IGF1R: variants seen among roughly 807,000 people sequenced by gnomAD.
The protein encoded by IGF1R is insulin-like growth factor 1 receptor.
A neutral mutation model predicts 144.6 loss-of-function variants in IGF1R; 44 were observed. The observed-to-expected ratio is 0.30, with a 90% CI of 0.24 to 0.39. The LOEUF (loss-of-function observed/expected upper bound fraction) is 0.39. Ranked by LOEUF, IGF1R falls within the 10% of genes least tolerant of loss-of-function variation. The pLI is 1.00. For synonymous variants in IGF1R, 795 were observed against 722.8 expected (o/e 1.10, Z -1.60); for missense variants, 1,355 against 1,833.7 (o/e 0.74, Z 4.77).
rs143289145 is a variant in IGF1R at position 98,790,477 on chromosome 15, C to T, written c.640+82370C>T. Among the ~76,000 whole-genome samples, 69 of 152,274 alleles carry T rather than the reference C, an allele frequency of 4.5e-4. 1 individual carries two copies. In the East Asian group the frequency reaches 0.012, roughly 26 times the overall value. ...AAATGCAGTTTGCACTTGCAAAGGT[C>T]CTGTGGTATAGCGGGGGAGCAGGGG... On this transcript the variant is annotated intron_variant, in intron 2 of 20. Coordinates refer to ENST00000650285, the MANE Select transcript of IGF1R (RefSeq NM_000875.5).
At chr15:98,920,216 TGTA>T (rs1311042742) in intron 10 of IGF1R, among the ~76,000 whole-genome samples, 4 of 152,142 alleles carry the variant, frequency 2.6e-5, no homozygotes, top group Non-Finnish European at 5.9e-5. Context: ...GATTTGGAAA[TGTA>T]GTTGTTTACC....
At chr15:98,652,068 A>G (rs1044053109) in intron 1 of IGF1R, among the ~76,000 whole-genome samples, 1 of 152,172 alleles carries the variant, frequency 6.6e-6, no homozygotes, top group African/African-American at 2.4e-5. Context: ...TTGCTGGCGT[A>G]TTGAGAGATT....
At chr15:98,671,169 A>G (rs553856510) in intron 1 of IGF1R, among the ~76,000 whole-genome samples, 66 of 152,224 alleles carry the variant, frequency 4.3e-4, no homozygotes, top group Non-Finnish European at 8.7e-4. Context: ...CCAAATCTGC[A>G]TGTCTGAAAG....
In IGF1R at chr15:98,728,190, G is replaced by A. The variant is rs143125479; in HGVS notation, c.640+20083G>A. Among the ~76,000 whole-genome samples the A allele has an allele frequency of 8.2e-4, 125 of 152,124 alleles. 1 individual carries two copies. Among genetic ancestry groups the A allele is most frequent in the African/African-American group, 2.9e-3 (119 of 41,512 alleles). On this transcript the variant is annotated intron_variant, in intron 2 of 20. Transcript: ENST00000650285. ...TCCTGGATCTGTAAACACACCCCCA[G>A]CTATTCAAGATGGGCTTCTTGGTGA...
chr15:98,762,098 GATGTAGCT>G (rs750151094), intron 2 of IGF1R, among the ~76,000 whole-genome samples: 2 of 152,196 alleles, frequency 1.3e-5, no homozygotes, highest in Non-Finnish European at 2.9e-5. Context: ...TCTTTGTGAT[GATGTAGCT>G]CACTTGGTCT....
At chr15:98,954,369 C>G (rs2016896137) in intron 20 of IGF1R, 1 of 150,234 alleles carries the variant, frequency 6.7e-6, no homozygotes, top group African/African-American at 2.5e-5. Context: ...AAGGATGGCG[C>G]CAGCCTCCCC....
chr15:98,875,120 G>A (rs190799902), intron 2 of IGF1R, among the ~76,000 whole-genome samples: 93 of 152,034 alleles, frequency 6.1e-4, no homozygotes, highest in Middle Eastern at 6.8e-3. Context: ...CCAGGTCCTC[G>A]GCTCCGGGAC....
intron 2 of IGF1R, among the ~76,000 whole-genome samples, chr15:98,815,253 A>T (rs2056671960): frequency 6.6e-6 from 1 of 152,232 alleles, no homozygotes; most frequent in Admixed American, 6.5e-5. Context: ...TTTCTGGATG[A>T]GGTCGAAAGG....
rs951432143 is a variant in IGF1R, at chr15:98,935,529, TC to T, written c.3297+105del. 32 of 772,546 alleles carry T rather than the reference TC, an allele frequency of 4.1e-5. No individual in the cohort carries two copies. Among genetic ancestry groups the T allele is most frequent in the Admixed American group, 6.0e-5 (3 of 50,032 alleles). 47.9% of individuals were successfully genotyped at this position (772,546 alleles called of 1,614,324 possible). A position where few individuals can be genotyped will look rare whatever the true frequency, so the allele number is the denominator to read the frequency against. ...GCTGTGTCTTTAAATCAGTTTACTT[TC>T]CAGCATCCAGTGTTTCTTACTGCAT... is the stretch of plus-strand genomic sequence containing the variant. On this transcript the variant is annotated intron_variant, in intron 17 of 20. Coordinates refer to ENST00000650285, the MANE Select transcript of IGF1R (RefSeq NM_000875.5). The surrounding 1 kb of genome is among the most constrained non-coding windows in gnomAD (Gnocchi z 4.2).
At chr15:98,819,873 A>G (rs2056769693) in intron 2 of IGF1R, among the ~76,000 whole-genome samples, 1 of 152,206 alleles carries the variant, frequency 6.6e-6, no homozygotes, top group Non-Finnish European at 1.5e-5. Context: ...AGGCAATTGG[A>G]TGATCATACC....
chr15:98,854,359 AG>A (rs2011675592), intron 2 of IGF1R, among the ~76,000 whole-genome samples: 1 of 152,188 alleles, frequency 6.6e-6, no homozygotes, highest in African/African-American at 2.4e-5. Flanking sequence ...AGATGAGCAC[AG>A]TGATGTCTAT....
intron 2 of IGF1R, among the ~76,000 whole-genome samples, chr15:98,874,745 G>A (rs532529773): frequency 4.1e-4 from 62 of 152,228 alleles, no homozygotes; most frequent in Admixed American, 7.9e-4. Flanking sequence ...TAATTTCAAA[G>A]ATGCTCCCTG....
At chr15:98,954,958 G>T (rs2016922362) in intron 20 of IGF1R, among the ~76,000 whole-genome samples, 1 of 152,096 alleles carries the variant, frequency 6.6e-6, no homozygotes. Context: ...TCTTATTTAG[G>T]TTGAGAAAAA....
At chr15:98,650,292 G>A (rs765133237) in intron 1 of IGF1R, among the ~76,000 whole-genome samples, 2 of 152,184 alleles carry the variant, frequency 1.3e-5, no homozygotes, top group African/African-American at 2.4e-5. Context: ...TGCCCCTCGG[G>A]CTCCTCGGGT....
chr15:98,747,530 G>A (rs941175470), intron 2 of IGF1R, among the ~76,000 whole-genome samples: 1 of 152,258 alleles, frequency 6.6e-6, no homozygotes, highest in South Asian at 2.1e-4. Context: ...TATTTTTGGT[G>A]CCAAGTCGAT....
chr15:98,672,156 G>A (rs1211037036), intron 1 of IGF1R, among the ~76,000 whole-genome samples: 1 of 152,156 alleles, frequency 6.6e-6, no homozygotes, highest in Admixed American at 6.5e-5. Context: ...ATTTTTGCCT[G>A]TAAAAGAATT....
chr15:98,691,200 A>G (rs1314915633), intron 1 of IGF1R, among the ~76,000 whole-genome samples: 2 of 152,082 alleles, frequency 1.3e-5, no homozygotes, highest in African/African-American at 2.4e-5. Context: ...TCCTGTGCAG[A>G]ATAGCGCATC....
chr15:98,815,870 G>A (rs1409715496), intron 2 of IGF1R, among the ~76,000 whole-genome samples: 1 of 152,122 alleles, frequency 6.6e-6, no homozygotes, highest in Non-Finnish European at 1.5e-5. Context: ...TGGTACCATT[G>A]CCCACATGCT....
chr15:98,962,020 C>G lies in IGF1R; in HGVS notation c.*4578C>G, dbSNP rs1337232842. On this transcript the variant is annotated 3_prime_UTR_variant, in exon 21 of 21. Transcript: ENST00000650285. Reference sequence around the variant, plus strand: ...TTATGAGCCAACTATTCTCTGGCACCAGATTCTAGGCCAGTTTGTTCCACT... The same window carrying G: ...TTATGAGCCAACTATTCTCTGGCACGAGATTCTAGGCCAGTTTGTTCCACT... 3 of 233,212 alleles carry G rather than the reference C, an allele frequency of 1.3e-5. No individual in the cohort carries two copies. In the East Asian group the frequency reaches 1.8e-4, roughly 14 times the overall value. The allele number at this position is 233,212 out of a possible 1,614,324, so 14.4% of individuals were successfully genotyped here.
Sources: gnomAD v4.1 joint callset for allele counts (sites outside exome capture counted in the v4.1 genomes callset) on GRCh38, gnomAD v4.1.1 for gene constraint, Gnocchi (gnomAD v3.1) non-coding constraint, MANE v1.5 for transcripts, NCBI Gene and HGNC (gene_info 2026-07-23, HGNC 2026-07-21) for gene names.